SSBP2: variants seen among roughly 807,000 people sequenced by gnomAD.
SSBP2 encodes single-stranded DNA-binding protein 2.
SSBP2 carries 17 observed loss-of-function variants against 61.8 expected under a neutral mutation model. That is an observed-to-expected ratio of 0.28 (90% confidence interval 0.19 to 0.41). SSBP2 has a LOEUF of 0.41. Among genes scored for constraint, SSBP2 ranks in the 10% least tolerant of loss-of-function variants. SSBP2 has a pLI of 1.00. For missense variants in SSBP2, 310 were observed against 458.7 expected (o/e 0.68, Z 2.96); for synonymous variants, 139 against 141.3 (o/e 0.98, Z 0.12).
At chr5:81,699,082 T>C (rs148107263) in intron 1 of SSBP2, among the ~76,000 whole-genome samples, 51 of 152,346 alleles carry the variant, frequency 3.3e-4, no homozygotes, top group African/African-American at 1.1e-3. Flanking sequence ...CTGTGTGCAA[T>C]AGCATTATGT....
intron 1 of SSBP2, among the ~76,000 whole-genome samples, chr5:81,719,139 C>T (rs411840): frequency 0.49 from 74,276 of 151,918 alleles, 18,375 homozygotes; most frequent in Admixed American, 0.55. Context: ...AGGATCCAGA[C>T]GAGGTTGCCA....
intron 4 of SSBP2, among the ~76,000 whole-genome samples, chr5:81,611,506 A>T (rs1745436002): frequency 1.3e-5 from 2 of 152,198 alleles, no homozygotes. Context: ...TAAGTTATAA[A>T]TTTTATGAAT....
chr5:81,670,721 T>C (rs1329642048), intron 1 of SSBP2, among the ~76,000 whole-genome samples: 2 of 152,218 alleles, frequency 1.3e-5, no homozygotes, highest in Non-Finnish European at 2.9e-5. Flanking sequence ...TTCTCTTTTG[T>C]GATCTTTACA....
At chr5:81,423,374 G>A (rs1761733636) in intron 16 of SSBP2, among the ~76,000 whole-genome samples, 1 of 152,174 alleles carries the variant, frequency 6.6e-6, no homozygotes, top group Non-Finnish European at 1.5e-5. Flanking sequence ...ATCTTATTGA[G>A]TATACTGTGT....
intron 4 of SSBP2, among the ~76,000 whole-genome samples, chr5:81,546,567 TTACAA>T (rs1218786642): frequency 1.3e-5 from 2 of 152,120 alleles, no homozygotes; most frequent in Non-Finnish European, 2.9e-5. Flanking sequence ...TGAGTTACTC[TTACAA>T]TACGTCTTTG....
intron 6 of SSBP2, among the ~76,000 whole-genome samples, chr5:81,476,048 T>A (rs928231520): frequency 6.6e-6 from 1 of 152,118 alleles, no homozygotes; most frequent in African/African-American, 2.4e-5. Flanking sequence ...TATTTTTTAC[T>A]GCATTTGCCT....
intron 5 of SSBP2, among the ~76,000 whole-genome samples, chr5:81,494,055 C>G (rs1315263212): frequency 1.3e-5 from 2 of 152,128 alleles, no homozygotes; most frequent in African/African-American, 4.8e-5. Context: ...AAATTCTTTT[C>G]TACATCAGTC....
chr5:81,504,099 T>C (rs952211622), intron 5 of SSBP2, among the ~76,000 whole-genome samples: 1 of 152,142 alleles, frequency 6.6e-6, no homozygotes, highest in African/African-American at 2.4e-5. Flanking sequence ...AGTTTGCTTA[T>C]ATAACAAACC....
chr5:81,654,861 T>C (rs1333602515), intron 1 of SSBP2, among the ~76,000 whole-genome samples: 1 of 152,074 alleles, frequency 6.6e-6, no homozygotes, highest in Admixed American at 6.6e-5. Context: ...GAGCAGGGCA[T>C]AGTGGCTCAT....
intron 1 of SSBP2, among the ~76,000 whole-genome samples, chr5:81,743,888 G>A (rs1369273467): frequency 6.6e-6 from 1 of 152,154 alleles, no homozygotes; most frequent in Non-Finnish European, 1.5e-5. Flanking sequence ...AGCCGATCCT[G>A]AACCCTGATG....
chr5:81,472,324 A>C (rs1765300826), intron 8 of SSBP2, among the ~76,000 whole-genome samples: 1 of 152,194 alleles, frequency 6.6e-6, no homozygotes, highest in Admixed American at 6.5e-5. Context: ...AGCACTCTTA[A>C]AATGTCACCA....
chr5:81,490,605 T>C (rs1307589670), intron 5 of SSBP2, among the ~76,000 whole-genome samples: 2 of 152,212 alleles, frequency 1.3e-5, no homozygotes, highest in African/African-American at 2.4e-5. Flanking sequence ...ATGTATTTTC[T>C]ACAAATATTT....
At chr5:81,444,142 GA>G (rs1308062483) in intron 12 of SSBP2, among the ~76,000 whole-genome samples, 1 of 152,064 alleles carries the variant, frequency 6.6e-6, no homozygotes, top group Non-Finnish European at 1.5e-5. Flanking sequence ...TCATAATGTT[GA>G]AAAAGTTGGA....
intron 1 of SSBP2, among the ~76,000 whole-genome samples, chr5:81,733,824 G>C (rs1403798766): frequency 1.4e-4 from 21 of 152,080 alleles, no homozygotes; most frequent in Admixed American, 1.4e-3. Flanking sequence ...CCCTAGTTTT[G>C]TCTGAATAGG....
chr5:81,444,905 T>C (rs1012453512), intron 12 of SSBP2, among the ~76,000 whole-genome samples: 3 of 151,316 alleles, frequency 2.0e-5, no homozygotes, highest in African/African-American at 7.3e-5. Flanking sequence ...GGTGAATCAC[T>C]TGAGGTTAGG....
At chr5:81,650,495 T>C (rs755689304) in intron 1 of SSBP2, among the ~76,000 whole-genome samples, 156 bp from the exon 2 acceptor site, 5 of 152,102 alleles carry the variant, frequency 3.3e-5, no homozygotes, top group Non-Finnish European at 7.4e-5. Context: ...TAATAATACA[T>C]GTATGTTCAG....
rs2153714382 is a variant in SSBP2 at position 81,651,976 on chromosome 5, A to C, written c.63-1637T>G. Among the ~76,000 whole-genome samples, 2 of 152,318 alleles carry C rather than the reference A, an allele frequency of 1.3e-5. 1 individual carries two copies. The highest frequency in any genetic ancestry group is 3.9e-4 in the East Asian group (2 of 5,190). ...GCAGTTCTGCCCCACTGCCTGAAAAAAAAACATAGACTCAGGTAATTCCAT... is the reference window on the plus strand; with the variant it reads ...GCAGTTCTGCCCCACTGCCTGAAAACAAAACATAGACTCAGGTAATTCCAT... On this transcript the variant is annotated intron_variant, in intron 1 of 16. Transcript: ENST00000320672.
At chr5:81,720,671 C>T (rs923467360) in intron 1 of SSBP2, among the ~76,000 whole-genome samples, 1 of 152,214 alleles carries the variant, frequency 6.6e-6, no homozygotes, top group Non-Finnish European at 1.5e-5. Flanking sequence ...TCCCCCCTCT[C>T]TGCCTCTAAG....
At chr5:81,706,338 G>C (rs551590563) in intron 1 of SSBP2, among the ~76,000 whole-genome samples, 99 of 152,266 alleles carry the variant, frequency 6.5e-4, no homozygotes, top group South Asian at 1.7e-3. Flanking sequence ...CTAGAGGGGA[G>C]AGGGAAGGAT....
Sources: gnomAD v4.1 joint callset for allele counts (sites outside exome capture counted in the v4.1 genomes callset) on GRCh38, gnomAD v4.1.1 for gene constraint, MANE v1.5 for transcripts, NCBI Gene and HGNC (gene_info 2026-07-23, HGNC 2026-07-21) for gene names.